ELL2: variants seen among roughly 807,000 people sequenced by gnomAD.
The protein encoded by ELL2 is elongation factor for RNA polymerase II 2.
In ELL2, 21 loss-of-function variants were observed where a neutral mutation model predicts 72.8. The ratio of observed to expected loss-of-function variants is 0.29; its 90% CI spans 0.20 to 0.42. ELL2 has a LOEUF of 0.42. Ranked by LOEUF, ELL2 falls within the 10% of genes least tolerant of loss-of-function variation. The pLI, the probability that ELL2 is intolerant of heterozygous loss-of-function variation, is 1.00. For synonymous variants in ELL2, 266 were observed against 283.2 expected, an observed-to-expected ratio of 0.94 and a Z score of 0.61; for missense variants, 568 against 772.8, an observed-to-expected ratio of 0.73 and a Z score of 3.14.
chr5:95,896,315 A>G (rs913711762), intron 8 of ELL2, among the ~76,000 whole-genome samples: 3 of 152,016 alleles, frequency 2.0e-5, no homozygotes, highest in African/African-American at 7.3e-5. Context: ...AGTGCTAAAC[A>G]TTGTGGCTAC....
At chr5:95,891,734 C>G (rs550079469) in intron 9 of ELL2, among the ~76,000 whole-genome samples, 1 of 152,318 alleles carries the variant, frequency 6.6e-6, no homozygotes, top group African/African-American at 2.4e-5. Flanking sequence ...GGACCTACTG[C>G]TTTATGAGAG....
At chr5:95,946,850 A>T (rs766156358) in intron 1 of ELL2, among the ~76,000 whole-genome samples, 1 of 152,238 alleles carries the variant, frequency 6.6e-6, no homozygotes, top group Non-Finnish European at 1.5e-5. Flanking sequence ...GATAAACCAG[A>T]AGTCAAACAC....
At chr5:95,940,161 C>A (rs1299847279) in intron 2 of ELL2, among the ~76,000 whole-genome samples, 2 of 152,120 alleles carry the variant, frequency 1.3e-5, no homozygotes, top group Non-Finnish European at 2.9e-5. Flanking sequence ...TTCTGAGCAC[C>A]TTTTTCCATT....
At chr5:95,927,732 CATACACACACACATAT>C (rs1750424395) in intron 2 of ELL2, among the ~76,000 whole-genome samples, 3 of 77,808 alleles carry the variant, frequency 3.9e-5, no homozygotes, top group Admixed American at 1.1e-4. Context: ...TGTATATAGA[CATACACACACACATAT>C]GTGTGTATAT....
In ELL2 at chr5:95,945,098, C is replaced by A. The variant is rs115982117; in HGVS notation, c.148-2049G>T. Among the ~76,000 whole-genome samples, 1,470 of 152,240 alleles carry A rather than the reference C, an allele frequency of 9.7e-3. 28 individuals carry two copies. The highest frequency in any genetic ancestry group is 0.034 in the African/African-American group (1,410 of 41,528). On this transcript the variant is annotated intron_variant, in intron 1 of 11. Transcript: ENST00000237853. ...TCTCTTCTCCATTCCTCAGCTGGCA[C>A]CTCTGCATAGCCTGCTACTTACTAC...
At chr5:95,953,718 TAAAG>T (rs1751507229) in intron 1 of ELL2, among the ~76,000 whole-genome samples, 1 of 152,080 alleles carries the variant, frequency 6.6e-6, no homozygotes, top group Non-Finnish European at 1.5e-5. Context: ...AAAAAAGAAA[TAAAG>T]GAATCAAAAC....
intron 2 of ELL2, among the ~76,000 whole-genome samples, chr5:95,929,182 T>C (rs1212410636): frequency 6.6e-6 from 1 of 152,110 alleles, no homozygotes; most frequent in Non-Finnish European, 1.5e-5. Flanking sequence ...CTACATTGTA[T>C]ATGCTAAGTA....
intron 3 of ELL2, among the ~76,000 whole-genome samples, chr5:95,915,113 T>A (rs1395176914): frequency 2.0e-5 from 3 of 151,746 alleles, no homozygotes; most frequent in Non-Finnish European, 4.4e-5. Flanking sequence ...AGGTTGATAA[T>A]TTTTTTTTGA....
intron 1 of ELL2, among the ~76,000 whole-genome samples, chr5:95,950,898 G>GTACA (rs1751349138): frequency 1.4e-4 from 4 of 29,290 alleles, no homozygotes; most frequent in Admixed American, 3.8e-4. Context: ...ATGTATGTAT[G>GTACA]TATGTGTATA....
intron 4 of ELL2, among the ~76,000 whole-genome samples, chr5:95,910,332 T>C (rs982278369): frequency 6.6e-6 from 1 of 152,140 alleles, no homozygotes; most frequent in Non-Finnish European, 1.5e-5. Flanking sequence ...GGTTATTTTG[T>C]ACACCTAAAC....
rs956477581 is a variant in ELL2 at position 95,927,906 on chromosome 5, G to A, written c.196-8361C>T. 3.3e-5 allele frequency among the ~76,000 whole-genome samples: 5 copies of A among 150,548 alleles called. No individual in the cohort carries two copies. The East Asian group carries it at 9.9e-4, about 30-fold the overall frequency. ...GTAAATGAATCCATTAACTGGTTAA[G>A]TGTACTTCTTATTTTTAAATACTGT... On this transcript the variant is annotated intron_variant, in intron 2 of 11. Coordinates refer to ENST00000237853, the MANE Select transcript of ELL2 (RefSeq NM_012081.6).
intron 2 of ELL2, among the ~76,000 whole-genome samples, chr5:95,922,876 T>C (rs761554453): frequency 1.3e-5 from 2 of 152,214 alleles, no homozygotes; most frequent in Non-Finnish European, 2.9e-5. Context: ...GTGTTACACA[T>C]AGATTAAAAC....
intron 1 of ELL2, among the ~76,000 whole-genome samples, chr5:95,953,392 T>A (rs1268660971): frequency 6.6e-6 from 1 of 152,230 alleles, no homozygotes. Context: ...CATGGACACT[T>A]TTTCTGGCTC....
At chr5:95,893,478 G>C (rs1463531715) in intron 9 of ELL2, among the ~76,000 whole-genome samples, 2 of 152,014 alleles carry the variant, frequency 1.3e-5, no homozygotes, top group Non-Finnish European at 2.9e-5. Flanking sequence ...TCCGCCTCCC[G>C]GGTTCACACC....
At position 95,961,744 on chromosome 5, in the gene ELL2, C is replaced by T. The variant is rs535690853; in HGVS notation, c.-23G>A. 4 of 1,575,776 alleles carry T rather than the reference C, an allele frequency of 2.5e-6. No homozygotes were observed. The highest frequency in any genetic ancestry group is 2.6e-6 in the Non-Finnish European group (3 of 1,163,830). ...CATCTTAAACTCCCCGGGGTGCCGC[C>T]GCCGCCGCCGCTCCGGCTCTAGCCT... On this transcript the variant is annotated 5_prime_UTR_variant, in exon 1 of 12. Transcript: ENST00000237853.
Position 95,899,195 on chromosome 5 carries a change from C to T in ELL2, c.955-385G>A, listed in dbSNP as rs529922157. 3.3e-5 allele frequency among the ~76,000 whole-genome samples: 5 copies of T among 152,238 alleles called. No homozygotes were observed. In the South Asian group the frequency reaches 8.3e-4, roughly 25 times the overall value. The stretch of plus-strand genomic sequence containing the variant: ...GAGAGTATTAAACAGAGGCAGTCAC[C>T]CTCCATTGCTGGCTGTGGTTGACCT... On this transcript the variant is annotated intron_variant, in intron 7 of 11. Coordinates refer to ENST00000237853, the MANE Select transcript of ELL2 (RefSeq NM_012081.6).
In ELL2 at chr5:95,910,485, A is replaced by G. The variant is rs959318312; in HGVS notation, c.481+3286T>C. Among the ~76,000 whole-genome samples, 8 of 152,250 alleles carry G rather than the reference A, an allele frequency of 5.3e-5. No individual in the cohort carries two copies. In the East Asian group the frequency reaches 5.8e-4, roughly 11 times the overall value. ...TTTTATATCAGTGTTTACCACTGAT[A>G]TAAATGTCATGAATACAAGTAAAAA... On this transcript the variant is annotated intron_variant, in intron 4 of 11. Coordinates refer to ENST00000237853, the MANE Select transcript of ELL2 (RefSeq NM_012081.6).
chr5:95,955,480 C>T (rs997863298), intron 1 of ELL2, among the ~76,000 whole-genome samples: 6 of 151,992 alleles, frequency 3.9e-5, no homozygotes, highest in Non-Finnish European at 7.4e-5. Context: ...AACATTGGCT[C>T]TCAAGAGCCA....
At chr5:95,959,991 T>A (rs1751754051) in intron 1 of ELL2, among the ~76,000 whole-genome samples, 1 of 152,166 alleles carries the variant, frequency 6.6e-6, no homozygotes, top group Non-Finnish European at 1.5e-5. Context: ...GTGGGGGGGC[T>A]CTCTGAATAC....
Sources: allele counts gnomAD v4.1 joint callset (sites outside exome capture counted in the v4.1 genomes callset), GRCh38; gene constraint gnomAD v4.1.1; transcripts MANE v1.5; gene names NCBI Gene and HGNC (gene_info 2026-07-23, HGNC 2026-07-21).